NINJ2: variants seen among roughly 807,000 people sequenced by gnomAD.
NINJ2 encodes the protein ninjurin 2.
A neutral mutation model predicts 11.7 loss-of-function variants in NINJ2; 12 were observed. The ratio of observed to expected loss-of-function variants is 1.02; its 90% CI spans 0.66 to 1.66. The LOEUF (loss-of-function observed/expected upper bound fraction) is 1.66. NINJ2 is among the 40% of genes most tolerant of loss of function. The pLI is 0.00. For missense variants in NINJ2, 187 were observed against 181.8 expected (o/e 1.03, Z -0.16); for synonymous variants, 93 against 76.8 (o/e 1.21, Z -1.10).
intron 1 of NINJ2, among the ~76,000 whole-genome samples, chr12:615,949 G>T (rs1044185159): frequency 6.6e-6 from 1 of 152,242 alleles, no homozygotes; most frequent in Non-Finnish European, 1.5e-5. Context: ...CACTCTCGGA[G>T]AGCTAGAATA....
At chr12:629,982 T>C (rs1443921374) in intron 1 of NINJ2, among the ~76,000 whole-genome samples, 2 of 147,390 alleles carry the variant, frequency 1.4e-5, no homozygotes, top group Non-Finnish European at 3.0e-5. Flanking sequence ...CTGTATTTTA[T>C]GTGTGGGGCA....
At chr12:569,551 A>G (rs1555161173) in intron 1 of NINJ2, among the ~76,000 whole-genome samples, 1 of 151,958 alleles carries the variant, frequency 6.6e-6, no homozygotes, top group Non-Finnish European at 1.5e-5. Flanking sequence ...AGGGAGACAG[A>G]CCCCCTTCCC....
Position 585,482 on chromosome 12 carries a change from AACGGTTGGAGGGAAGGGAAG to A in NINJ2, c.34-19324_34-19305del, listed in dbSNP as rs1221079855. Among the ~76,000 whole-genome samples, 5 of 29,622 alleles carry A rather than the reference AACGGTTGGAGGGAAGGGAAG, an allele frequency of 1.7e-4. No individual in the cohort carries two copies. The highest frequency in any genetic ancestry group is 4.1e-4 in the Non-Finnish European group (5 of 12,198). The allele number at this position is 29,622 out of a possible 152,430, so 19.4% of individuals were successfully genotyped here. Reference sequence around the variant, plus strand: ...AGGCAGGCAACGGTTGGAGGAAGGGAACGGTTGGAGGGAAGGGAAGGGAACGGTTGGAGGGAAGGGAAGGG... The same window carrying A: ...AGGCAGGCAACGGTTGGAGGAAGGGAGGAACGGTTGGAGGGAAGGGAAGGG... On this transcript the variant is annotated intron_variant, in intron 1 of 3. Transcript: ENST00000305108. The surrounding 1 kb of genome is among the most constrained non-coding windows in gnomAD (Gnocchi z 4.1).
intron 1 of NINJ2, among the ~76,000 whole-genome samples, chr12:637,921 A>G (rs1406160355): frequency 6.6e-6 from 1 of 152,196 alleles, no homozygotes; most frequent in Non-Finnish European, 1.5e-5. Flanking sequence ...CTTCCCAAGG[A>G]ATCAGGGCCA....
chr12:655,058 A>ATAAT (rs1449959784), intron 1 of NINJ2, among the ~76,000 whole-genome samples: 11 of 152,186 alleles, frequency 7.2e-5, no homozygotes, highest in African/African-American at 2.7e-4. Context: ...AGTACACTAG[A>ATAAT]TAATTTCCTC....
intron 1 of NINJ2, among the ~76,000 whole-genome samples, chr12:619,963 G>T (rs750381506): frequency 4.6e-5 from 7 of 152,188 alleles, no homozygotes; most frequent in Non-Finnish European, 1.0e-4. Flanking sequence ...GTGAGGGAGG[G>T]CTCAGCTGCC....
rs564252598 is a variant in NINJ2, at chr12:633,448, C to T, written c.33+29880G>A. ...CCAGGAGGTGGACGCTGCAGTGAGC[C>T]GAGATGGTGCCACTGCATTCCAGCC... is the stretch of plus-strand genomic sequence containing the variant. On this transcript the variant is annotated intron_variant, in intron 1 of 3. Coordinates refer to ENST00000305108, the MANE Select transcript of NINJ2 (RefSeq NM_016533.6). This position sits in a 1 kb window ranked among gnomAD's most constrained non-coding sequence, Gnocchi z 4.3. Among the ~76,000 whole-genome samples the T allele has an allele frequency of 2.2e-4, 34 of 151,858 alleles. No homozygotes were observed. In the South Asian group the frequency reaches 6.5e-3, roughly 29 times the overall value.
intron 1 of NINJ2, among the ~76,000 whole-genome samples, chr12:589,943 A>G (rs962497955): frequency 4.6e-5 from 7 of 152,104 alleles, no homozygotes; most frequent in East Asian, 1.9e-4. Flanking sequence ...TCAGGACCCA[A>G]GGGGTCCTAG....
intron 1 of NINJ2, among the ~76,000 whole-genome samples, chr12:627,626 G>T (rs538030224): frequency 2.7e-4 from 41 of 152,374 alleles, no homozygotes; most frequent in Middle Eastern, 3.4e-3. Context: ...TACAGCTGCA[G>T]CATACTGCAC....
At chr12:612,766 G>A (rs1948049075) in intron 1 of NINJ2, among the ~76,000 whole-genome samples, 1 of 152,166 alleles carries the variant, frequency 6.6e-6, no homozygotes, top group African/African-American at 2.4e-5. Context: ...AAGTGCCTGA[G>A]TCTCTTCTGA....
At chr12:608,912 T>C in intron 1 of NINJ2, among the ~76,000 whole-genome samples, 1 of 152,240 alleles carries the variant, frequency 6.6e-6, no homozygotes, top group Non-Finnish European at 1.5e-5. Context: ...TGGGTCTCTG[T>C]TTTCTAATGT....
At chr12:594,696 G>A (rs922666318) in intron 1 of NINJ2, among the ~76,000 whole-genome samples, 1 of 152,096 alleles carries the variant, frequency 6.6e-6, no homozygotes, top group Non-Finnish European at 1.5e-5. Flanking sequence ...AATAAATAGA[G>A]AGCTATTCTA....
chr12:576,356 G>A (rs1947461203), intron 1 of NINJ2, among the ~76,000 whole-genome samples: 1 of 152,240 alleles, frequency 6.6e-6, no homozygotes, highest in African/African-American at 2.4e-5. Context: ...TGACCCCTTT[G>A]TGATCGAGGA....
intron 1 of NINJ2, among the ~76,000 whole-genome samples, chr12:627,360 A>AT (rs987280119): frequency 2.0e-5 from 3 of 152,130 alleles, no homozygotes; most frequent in Non-Finnish European, 2.9e-5. Context: ...GTGCTCAAAT[A>AT]TTTTTTGAGA....
chr12:596,934 A>C (rs1054281244), intron 1 of NINJ2, among the ~76,000 whole-genome samples: 3 of 146,280 alleles, frequency 2.1e-5, no homozygotes, highest in Admixed American at 6.7e-5. Flanking sequence ...AAAAAAAAAC[A>C]AAAAAAAATG....
chr12:591,090 G>A lies in NINJ2; in HGVS notation c.34-24912C>T, dbSNP rs1225296646. ...CTAGCACTCACTATCAAGGTTATAG[G>A]GAGGTGGCAGAGAAAAGAAGTTCAG... On this transcript the variant is annotated intron_variant, in intron 1 of 3. Coordinates refer to ENST00000305108, the MANE Select transcript of NINJ2 (RefSeq NM_016533.6). The surrounding 1 kb of genome is among the most constrained non-coding windows in gnomAD (Gnocchi z 5.0). The A allele has an allele frequency of 6.6e-6, 1 of 152,258 alleles. No individual in the cohort carries two copies. The highest frequency in any genetic ancestry group is 1.5e-5 in the Non-Finnish European group (1 of 68,068). 9.4% of individuals were successfully genotyped at this position (152,258 alleles called of 1,614,324 possible). A position where few individuals can be genotyped will look rare whatever the true frequency, so the allele number is the denominator to read the frequency against.
At chr12:624,861 C>A (rs1331948558) in intron 1 of NINJ2, among the ~76,000 whole-genome samples, 6 of 148,586 alleles carry the variant, frequency 4.0e-5, no homozygotes, top group African/African-American at 1.2e-4. Context: ...GTAATCCCAG[C>A]ACTTTGGGAG....
At chr12:627,003 T>G (rs1948217858) in intron 1 of NINJ2, among the ~76,000 whole-genome samples, 1 of 152,246 alleles carries the variant, frequency 6.6e-6, no homozygotes, top group South Asian at 2.1e-4. Flanking sequence ...AAAGGTTGTC[T>G]GAGCCTAGGA....
At chr12:612,084 T>C (rs1314047156) in intron 1 of NINJ2, among the ~76,000 whole-genome samples, 1 of 152,126 alleles carries the variant, frequency 6.6e-6, no homozygotes, top group Non-Finnish European at 1.5e-5. Flanking sequence ...ATGTGGAGAT[T>C]GTGGTGAGCA....
Sources: gnomAD v4.1 joint callset for allele counts (sites outside exome capture counted in the v4.1 genomes callset) on GRCh38, gnomAD v4.1.1 for gene constraint, Gnocchi (gnomAD v3.1) non-coding constraint, MANE v1.5 for transcripts, NCBI Gene and HGNC (gene_info 2026-07-23, HGNC 2026-07-21) for gene names.